THRB: variants seen among roughly 807,000 people sequenced by gnomAD.
THRB encodes thyroid hormone receptor beta.
Under a neutral mutation model 47.8 loss-of-function variants are expected in THRB, and 12 were observed. The ratio of observed to expected loss-of-function variants is 0.25; its 90% CI spans 0.16 to 0.41. The LOEUF (loss-of-function observed/expected upper bound fraction) is 0.41, where lower values mean the gene tolerates loss of function less well. THRB is among the 10% of genes least tolerant of loss of function. The pLI is 1.00. For missense variants in THRB, 348 were observed against 589.2 expected, an observed-to-expected ratio of 0.59 and a Z score of 4.24; for synonymous variants, 218 against 212.2, an observed-to-expected ratio of 1.03 and a Z score of -0.24.
intron 2 of THRB, among the ~76,000 whole-genome samples, chr3:24,310,185 A>G (rs1432439977): frequency 2.6e-5 from 4 of 152,174 alleles, no homozygotes; most frequent in Non-Finnish European, 5.9e-5. Flanking sequence ...TTACTGTTTA[A>G]TCTTTGTGAA....
intron 4 of THRB, among the ~76,000 whole-genome samples, chr3:24,220,641 TAGG>T (rs1340619490): frequency 2.0e-5 from 3 of 152,148 alleles, no homozygotes; most frequent in Non-Finnish European, 4.4e-5. Flanking sequence ...TCCGAATCTC[TAGG>T]AGTTTTGAGG....
At chr3:24,240,514 T>C (rs889287775) in intron 3 of THRB, among the ~76,000 whole-genome samples, 4 of 152,300 alleles carry the variant, frequency 2.6e-5, no homozygotes, top group Middle Eastern at 6.8e-3. Context: ...TTCACATTCT[T>C]AGGTGAAAAT....
chr3:24,445,722 C>T (rs942911297), intron 1 of THRB, among the ~76,000 whole-genome samples: 1 of 152,010 alleles, frequency 6.6e-6, no homozygotes, highest in Non-Finnish European at 1.5e-5. Context: ...ATCATAAAAA[C>T]GTCCATGCCC....
At chr3:24,205,649 A>C (rs927403901) in intron 4 of THRB, among the ~76,000 whole-genome samples, 1 of 152,216 alleles carries the variant, frequency 6.6e-6, no homozygotes, top group African/African-American at 2.4e-5. Flanking sequence ...CACACATAAC[A>C]ATATTAACCT....
At chr3:24,438,506 G>GGTGTGTGTGTGTGTGT (rs145050133) in intron 1 of THRB, among the ~76,000 whole-genome samples, 17 of 145,856 alleles carry the variant, frequency 1.2e-4, no homozygotes, top group South Asian at 2.2e-4. Flanking sequence ...AGAACAAAAA[G>GGTGTGTGTGTGTGTGT]GTGTGTGTGT....
intron 2 of THRB, among the ~76,000 whole-genome samples, chr3:24,319,732 A>G (rs2058356718): frequency 6.6e-6 from 1 of 152,074 alleles, no homozygotes; most frequent in South Asian, 2.1e-4. Flanking sequence ...TTTTCTTCAT[A>G]AACTCAATGG....
intron 1 of THRB, among the ~76,000 whole-genome samples, chr3:24,469,046 C>T (rs1024477841): frequency 1.2e-4 from 18 of 152,220 alleles, no homozygotes; most frequent in Admixed American, 6.5e-4. Flanking sequence ...ACAGACACAT[C>T]CCCATGGCTT....
At chr3:24,202,143 G>T (rs1019040704) in intron 4 of THRB, among the ~76,000 whole-genome samples, 1 of 152,100 alleles carries the variant, frequency 6.6e-6, no homozygotes, top group African/African-American at 2.4e-5. Context: ...ATCATCTCAG[G>T]CAAACAAAAA....
At chr3:24,345,831 T>C (rs1486524798) in intron 1 of THRB, among the ~76,000 whole-genome samples, 1 of 152,072 alleles carries the variant, frequency 6.6e-6, no homozygotes, top group Admixed American at 6.6e-5. Flanking sequence ...GATTGGTTCA[T>C]TGTATTGATT....
chr3:24,444,367 G>A (rs574091858), intron 1 of THRB, among the ~76,000 whole-genome samples: 1 of 152,056 alleles, frequency 6.6e-6, no homozygotes, highest in African/African-American at 2.4e-5. Flanking sequence ...TCATATAACA[G>A]TAACCACCAA....
chr3:24,385,444 G>A (rs1270100476), intron 1 of THRB, among the ~76,000 whole-genome samples: 3 of 150,994 alleles, frequency 2.0e-5, no homozygotes, highest in Non-Finnish European at 4.4e-5. Context: ...CACACGCACG[G>A]CATTTGTGCA....
At chr3:24,429,990 A>T (rs1436358819) in intron 1 of THRB, 1 of 152,082 alleles carries the variant, frequency 6.6e-6, no homozygotes, top group South Asian at 2.1e-4. Context: ...GTAGGATCTT[A>T]GAGAAAGAGT....
intron 1 of THRB, among the ~76,000 whole-genome samples, chr3:24,460,035 C>T (rs899346362): frequency 6.6e-6 from 1 of 152,140 alleles, no homozygotes; most frequent in African/African-American, 2.4e-5. Context: ...TAGGCAGTGC[C>T]TAATGTTTTA....
chr3:24,228,903 A>G (rs1322124615), intron 4 of THRB, 35 bp downstream of exon 4: 2 of 1,589,682 alleles, frequency 1.3e-6, no homozygotes, highest in African/African-American at 2.7e-5. Flanking sequence ...ACAAAAATGG[A>G]GGCACACAAA....
intron 1 of THRB, among the ~76,000 whole-genome samples, chr3:24,487,421 A>G (rs1268176733): frequency 6.6e-6 from 1 of 152,162 alleles, no homozygotes; most frequent in East Asian, 1.9e-4. Flanking sequence ...CCTTTCTTGG[A>G]CATTTATAAT....
chr3:24,362,818 G>GA (rs1309758726), intron 1 of THRB, among the ~76,000 whole-genome samples: 4 of 152,288 alleles, frequency 2.6e-5, no homozygotes, highest in African/African-American at 9.6e-5. Flanking sequence ...TCACAAATGA[G>GA]AAATTGTTAG....
At chr3:24,447,701 A>G (rs1016690944) in intron 1 of THRB, among the ~76,000 whole-genome samples, 1 of 152,104 alleles carries the variant, frequency 6.6e-6, no homozygotes, top group African/African-American at 2.4e-5. Context: ...GTGAGTAGAC[A>G]TTAGATAATA....
chr3:24,313,315 C>T (rs1421058383), intron 2 of THRB, among the ~76,000 whole-genome samples: 2 of 152,172 alleles, frequency 1.3e-5, no homozygotes, highest in East Asian at 1.9e-4. Context: ...GGCGCACATT[C>T]CTTGAAGGTG....
In THRB at chr3:24,298,028, G is replaced by GT. The variant is rs1293951319; in HGVS notation, c.-188-658dup. Among the ~76,000 whole-genome samples the GT allele has an allele frequency of 7.2e-5, 11 of 152,140 alleles. No individual in the cohort carries two copies. The South Asian group carries it at 8.3e-4, about 11-fold the overall frequency. On this transcript the variant is annotated intron_variant, in intron 2 of 10. Coordinates refer to ENST00000646209, the MANE Select transcript of THRB (RefSeq NM_001354712.2). ...TACTTTCTAATAAACTCTTAGGTCA[G>GT]TTTGATTCCAGCCCTTAGTTGAAAA...
Sources: allele counts gnomAD v4.1 joint callset (sites outside exome capture counted in the v4.1 genomes callset), GRCh38; gene constraint gnomAD v4.1.1; transcripts MANE v1.5; gene names NCBI Gene and HGNC (gene_info 2026-07-23, HGNC 2026-07-21).